Variants in COL4A6 observed in about 807,000 individuals in gnomAD.
The protein encoded by COL4A6 is collagen type IV alpha 6 chain.
In COL4A6, 59 loss-of-function variants were observed where a neutral mutation model predicts 126.7. The ratio of observed to expected loss-of-function variants is 0.47; its 90% confidence interval spans 0.38 to 0.58. The LOEUF is 0.58. Ranked by LOEUF, COL4A6 falls within the 20% of genes least tolerant of loss-of-function variation. The pLI, the probability that COL4A6 is intolerant of heterozygous loss-of-function variation, is 0.00. For missense variants in COL4A6, 1,285 were observed against 1,337.3 expected (o/e 0.96, Z 0.61); for synonymous variants, 547 against 496.6 (o/e 1.10, Z -1.35).
chrX:108,300,246 G>A (rs2038448995), intron 3 of COL4A6, among the ~76,000 whole-genome samples: 1 of 111,262 alleles, frequency 9.0e-6, no homozygotes, highest in Admixed American at 9.6e-5. Flanking sequence ...AAATGTGAGG[G>A]AAAGGAGCTA....
intron 2 of COL4A6, among the ~76,000 whole-genome samples, chrX:108,418,380 G>A (rs184554400): frequency 3.3e-4 from 37 of 111,855 alleles, no homozygotes; most frequent in African/African-American, 1.1e-3. Flanking sequence ...AAATGCAAAC[G>A]ATTATGATAA....
At chrX:108,323,873 T>C (rs916254747) in intron 2 of COL4A6, among the ~76,000 whole-genome samples, 1 of 112,019 alleles carries the variant, frequency 8.9e-6, no homozygotes, top group African/African-American at 3.2e-5. Flanking sequence ...CAAAATTATT[T>C]CAGGTGATTG....
At chrX:108,194,029 T>C (rs1464087760) in intron 16 of COL4A6, among the ~76,000 whole-genome samples, 4 of 112,541 alleles carry the variant, frequency 3.6e-5, no homozygotes, top group African/African-American at 1.3e-4. Flanking sequence ...TTAACTTTTT[T>C]CCACTCTCAA....
intron 2 of COL4A6, among the ~76,000 whole-genome samples, chrX:108,385,765 C>G (rs914138110): frequency 1.8e-5 from 2 of 111,066 alleles, no homozygotes; most frequent in African/African-American, 6.6e-5. Context: ...ATGTGCAGAA[C>G]ATGCAGGTTT....
At chrX:108,313,295 C>T (rs2038803907) in intron 2 of COL4A6, among the ~76,000 whole-genome samples, 1 of 111,572 alleles carries the variant, frequency 9.0e-6, no homozygotes, top group Non-Finnish European at 1.9e-5. Context: ...TTGGAATGCT[C>T]TCCCTTTTCT....
At chrX:108,407,996 A>G (rs1179192281) in intron 2 of COL4A6, among the ~76,000 whole-genome samples, 1 of 111,456 alleles carries the variant, frequency 9.0e-6, no homozygotes, top group Non-Finnish European at 1.9e-5. Context: ...CTATTTTACA[A>G]ACAGGAAAAC....
intron 3 of COL4A6, among the ~76,000 whole-genome samples, chrX:108,231,077 C>CTACATACATACATACA (rs112392457): frequency 1.9e-5 from 2 of 105,825 alleles, no homozygotes; most frequent in African/African-American, 3.5e-5. Context: ...CCCTTTCCAT[C>CTACATACATACATACA]TACATACATA....
intron 3 of COL4A6, among the ~76,000 whole-genome samples, chrX:108,303,232 C>T (rs7471916): frequency 0.014 from 1,494 of 110,408 alleles, 61 homozygotes; most frequent in East Asian, 0.13. Flanking sequence ...GAGGAGGAGG[C>T]CATGGTGGAG....
intron 3 of COL4A6, among the ~76,000 whole-genome samples, chrX:108,283,697 T>A (rs2037922991): frequency 9.0e-6 from 1 of 111,040 alleles, no homozygotes; most frequent in Non-Finnish European, 1.9e-5. Context: ...CATCCTTGAT[T>A]ACAGAGAACA....
At chrX:108,270,397 T>C (rs1475126310) in intron 3 of COL4A6, among the ~76,000 whole-genome samples, 1 of 112,729 alleles carries the variant, frequency 8.9e-6, no homozygotes, top group Non-Finnish European at 1.9e-5. Flanking sequence ...GCATTCTATG[T>C]TTTTGTTTGC....
chrX:108,227,748 G>A (rs2036207751), intron 3 of COL4A6, among the ~76,000 whole-genome samples: 1 of 111,743 alleles, frequency 8.9e-6, no homozygotes, highest in African/African-American at 3.3e-5. Context: ...CTTCTCAGAC[G>A]TAAAGAGTCT....
At chrX:108,185,497 C>A (rs769736197) in intron 23 of COL4A6, among the ~76,000 whole-genome samples, 3 of 111,429 alleles carry the variant, frequency 2.7e-5, no homozygotes, top group Non-Finnish European at 5.7e-5. Flanking sequence ...TAACCTGTAC[C>A]ATCTACCATC....
chrX:108,161,580 T>TCCCC, intron 42 of COL4A6, 39 bp downstream of exon 42: 25 of 644,833 alleles, frequency 3.9e-5, no homozygotes, highest in South Asian at 5.6e-5. Context: ...CAGACCACCA[T>TCCCC]CCCCGCCCCG....
chrX:108,156,830 G>A lies in COL4A6; in HGVS notation c.*170C>T, dbSNP rs769508091. The A allele has an allele frequency of 2.0e-6, 1 of 509,278 alleles. No homozygotes were observed. Among genetic ancestry groups the A allele is most frequent in the Non-Finnish European group, 3.4e-6 (1 of 295,376 alleles). 42.0% of individuals were successfully genotyped at this position (509,278 alleles called of 1,213,427 possible). A position where few individuals can be genotyped will look rare whatever the true frequency, so the allele number is the denominator to read the frequency against. On this transcript the variant is annotated 3_prime_UTR_variant, in exon 45 of 45. Transcript: ENST00000334504. ...TCAGCAGGGTGGGCTCATCTCTATG[G>A]ACCCGAGGGCTGGGGTGACGAGTGT...
At chrX:108,357,007 G>T (rs964779973) in intron 2 of COL4A6, among the ~76,000 whole-genome samples, 10 of 111,469 alleles carry the variant, frequency 9.0e-5, no homozygotes, top group Admixed American at 8.6e-4. Context: ...GTAGAAAAAA[G>T]AAATGTTTCG....
intron 13 of COL4A6, among the ~76,000 whole-genome samples, chrX:108,199,657 C>T (rs1025868275): frequency 2.7e-5 from 3 of 111,553 alleles, no homozygotes; most frequent in African/African-American, 6.5e-5. Context: ...CGTGCATTGT[C>T]GTCAGTCTCT....
intron 3 of COL4A6, among the ~76,000 whole-genome samples, chrX:108,264,788 A>G (rs2037255774): frequency 9.0e-6 from 1 of 111,553 alleles, no homozygotes; most frequent in South Asian, 3.8e-4. Context: ...ACAGATCGTA[A>G]TTCTAATAGG....
At chrX:108,309,332 A>C (rs765227621) in intron 3 of COL4A6, among the ~76,000 whole-genome samples, 2 of 111,013 alleles carry the variant, frequency 1.8e-5, no homozygotes, top group African/African-American at 6.6e-5. Context: ...AATAGATGAG[A>C]AATCAAAGGA....
At chrX:108,317,329 G>A (rs1332110) in intron 2 of COL4A6, among the ~76,000 whole-genome samples, 41,699 of 110,702 alleles carry the variant, frequency 0.38, 6,922 homozygotes, top group East Asian at 0.73. Context: ...CTTGGGAAGC[G>A]TCAGGAATTC....
Sources: allele counts gnomAD v4.1 joint callset (sites outside exome capture counted in the v4.1 genomes callset), GRCh38; gene constraint gnomAD v4.1.1; transcripts MANE v1.5; gene names NCBI Gene and HGNC (gene_info 2026-07-23, HGNC 2026-07-21).